The following NHSL1 variants were observed in gnomAD, a reference collection of about 807,000 sequenced individuals.
NHSL1 encodes the protein NHS-like protein 1.
In NHSL1, 48 loss-of-function variants were observed where a neutral mutation model predicts 95.0. That is an observed-to-expected ratio of 0.51 (90% confidence interval 0.40 to 0.64). The LOEUF (loss-of-function observed/expected upper bound fraction) is 0.64. Among genes scored for constraint, NHSL1 ranks in the 30% least tolerant of loss-of-function variants. The probability of loss-of-function intolerance (pLI) is 0.00; values close to 1 mark genes in which losing one functional copy is unlikely to be tolerated. For synonymous variants in NHSL1, 783 were observed against 833.9 expected, an observed-to-expected ratio of 0.94 and a Z score of 1.05; for missense variants, 1,971 against 2,077.7, an observed-to-expected ratio of 0.95 and a Z score of 1.00.
At chr6:138,502,708 C>G (rs953192978), upstream of NHSL1, among the ~76,000 whole-genome samples, 1 of 152,126 alleles carries the variant, frequency 6.6e-6, no homozygotes, top group Non-Finnish European at 1.5e-5. Context: ...ACCATCCTAC[C>G]CAGGTTACCA....
At chr6:138,521,496 A>AC (rs1044539532) in intron 1 of NHSL1, among the ~76,000 whole-genome samples, 2 of 150,766 alleles carry the variant, frequency 1.3e-5, no homozygotes, top group Admixed American at 6.6e-5. Flanking sequence ...CCCCTGCCTC[A>AC]CCCCCCTGGA....
chr6:138,548,220 G>T (rs902879818), upstream of NHSL1, among the ~76,000 whole-genome samples: 2 of 152,050 alleles, frequency 1.3e-5, no homozygotes, highest in African/African-American at 4.8e-5. Context: ...TCCTGACCTC[G>T]TGATCCACCC....
chr6:138,685,695 T>C (rs9389601), intron 1 of NHSL1, among the ~76,000 whole-genome samples: 1,734 of 151,972 alleles, frequency 0.011, 37 homozygotes, highest in South Asian at 0.081. Context: ...TGAAAATAAA[T>C]AAATAAATAA....
chr6:138,438,856 G>A (rs1776353016), intron 5 of NHSL1, among the ~76,000 whole-genome samples: 1 of 151,922 alleles, frequency 6.6e-6, no homozygotes. Flanking sequence ...GAATATGTAT[G>A]GGGATAAGTT....
intron 1 of NHSL1, chr6:138,651,058 G>C (rs1044046531): frequency 2.6e-6 from 1 of 384,836 alleles, no homozygotes; most frequent in African/African-American, 2.1e-5. Flanking sequence ...CTCGTATTTT[G>C]ATAACATGCC....
intron 1 of NHSL1, among the ~76,000 whole-genome samples, chr6:138,622,017 G>A (rs1784670727): frequency 6.6e-6 from 1 of 152,120 alleles, no homozygotes; most frequent in Non-Finnish European, 1.5e-5. Context: ...GATTAAATGA[G>A]GTAAGGTGTG....
chr6:138,660,127 T>C (rs936606121), intron 1 of NHSL1, among the ~76,000 whole-genome samples: 3 of 152,224 alleles, frequency 2.0e-5, no homozygotes, highest in African/African-American at 7.2e-5. Flanking sequence ...TGAAGACCCA[T>C]GAGCTCCAGT....
At chr6:138,655,297 A>C (rs1785143294) in intron 1 of NHSL1, among the ~76,000 whole-genome samples, 1 of 152,236 alleles carries the variant, frequency 6.6e-6, no homozygotes, top group Non-Finnish European at 1.5e-5. Flanking sequence ...CTCTTCCCGC[A>C]GGACTTGTAG....
chr6:138,583,884 A>C (rs1400623307), intron 1 of NHSL1, among the ~76,000 whole-genome samples: 3 of 152,150 alleles, frequency 2.0e-5, no homozygotes, highest in Non-Finnish European at 2.9e-5. Flanking sequence ...GGATCACTTG[A>C]GGCCAGGAGT....
intron 1 of NHSL1, among the ~76,000 whole-genome samples, chr6:138,613,400 C>T (rs1165905592): frequency 6.6e-6 from 1 of 152,206 alleles, no homozygotes; most frequent in Non-Finnish European, 1.5e-5. Flanking sequence ...AACACCATGC[C>T]TGGGTCCGAG....
chr6:138,632,331 A>G (rs917109216), intron 1 of NHSL1, among the ~76,000 whole-genome samples: 4 of 152,104 alleles, frequency 2.6e-5, no homozygotes, highest in African/African-American at 9.7e-5. Flanking sequence ...CCTGGCCCAC[A>G]TTGCCACCTA....
intron 1 of NHSL1, among the ~76,000 whole-genome samples, chr6:138,598,670 GAACTACT>G (rs1784333527): frequency 7.0e-6 from 1 of 142,378 alleles, no homozygotes; most frequent in Non-Finnish European, 1.5e-5. Context: ...TTTCTTCTAA[GAACTACT>G]AAAAATATAT....
intron 1 of NHSL1, among the ~76,000 whole-genome samples, chr6:138,565,666 T>C (rs1038765202): frequency 6.6e-6 from 1 of 152,034 alleles, no homozygotes; most frequent in Non-Finnish European, 1.5e-5. Context: ...GGCTCAGGCT[T>C]ATAATCCCAG....
At chr6:138,439,335 T>C (rs1441518205) in intron 5 of NHSL1, among the ~76,000 whole-genome samples, 1 of 152,182 alleles carries the variant, frequency 6.6e-6, no homozygotes, top group Non-Finnish European at 1.5e-5. Flanking sequence ...TTCCCTTGTG[T>C]GTCTTATATC....
chr6:138,666,696 A>G (rs1041807308), intron 1 of NHSL1, among the ~76,000 whole-genome samples: 1 of 152,094 alleles, frequency 6.6e-6, no homozygotes, highest in Admixed American at 6.6e-5. Context: ...CACAATTTAT[A>G]TATAATATGA....
intron 2 of NHSL1, among the ~76,000 whole-genome samples, chr6:138,476,193 T>C (rs4896363): frequency 0.31 from 46,598 of 152,040 alleles, 8,700 homozygotes; most frequent in African/African-American, 0.51. Flanking sequence ...ATACCTGCAC[T>C]CATATGTTTA....
Position 138,431,423 on chromosome 6 carries a change from C to T in NHSL1, c.2922G>A (p.Pro974=), listed in dbSNP as rs1158513307. ...PLPHSPVFPP[P]PPEALIPFCS... is the part of the protein sequence containing the mutation. Reference sequence around the variant, plus strand: ...AGAAAGGAATGAGAGCTTCTGGCGGCGGAGGGGGGAACACAGGAGAGTGAG... The same window carrying T: ...AGAAAGGAATGAGAGCTTCTGGCGGTGGAGGGGGGAACACAGGAGAGTGAG... Residue 974 remains proline, a synonymous_variant, in exon 6 of 8, where the codon CCG becomes CCA. Transcript: ENST00000343505. The surrounding 1 kb of genome is among the most constrained non-coding windows in gnomAD (Gnocchi z 4.0). The T allele has an allele frequency of 3.9e-5, 61 of 1,547,384 alleles. No individual in the cohort carries two copies. Among genetic ancestry groups the T allele is most frequent in the South Asian group, 8.4e-5 (7 of 83,826 alleles).
At chr6:138,522,577 G>A (rs1027413827) in intron 1 of NHSL1, among the ~76,000 whole-genome samples, 12 of 152,140 alleles carry the variant, frequency 7.9e-5, no homozygotes, top group Non-Finnish European at 1.5e-4. Flanking sequence ...GGAGGCGGAG[G>A]TTGCAGTGAG....
chr6:138,596,885 C>T (rs911426017), intron 1 of NHSL1, among the ~76,000 whole-genome samples: 2 of 151,992 alleles, frequency 1.3e-5, no homozygotes, highest in African/African-American at 2.4e-5. Context: ...GACAGAAAAA[C>T]TCTCTCAAGC....
Sources: allele counts gnomAD v4.1 joint callset (sites outside exome capture counted in the v4.1 genomes callset), GRCh38; gene constraint gnomAD v4.1.1; non-coding constraint Gnocchi (gnomAD v3.1); transcripts MANE v1.5; gene names NCBI Gene and HGNC (gene_info 2026-07-23, HGNC 2026-07-21).